Variants in MMP16 observed in about 807,000 individuals in gnomAD.
MMP16 encodes matrix metallopeptidase 16.
A neutral mutation model predicts 67.8 loss-of-function variants in MMP16; 12 were observed. The ratio of observed to expected loss-of-function variants is 0.18; its 90% CI spans 0.11 to 0.29. The LOEUF (loss-of-function observed/expected upper bound fraction) is 0.29. MMP16 is among the 10% of genes least tolerant of loss of function. The pLI, the probability that MMP16 is intolerant of heterozygous loss-of-function variation, is 1.00. For missense variants in MMP16, 475 were observed against 765.7 expected (o/e 0.62, Z 4.48); for synonymous variants, 249 against 255.9 (o/e 0.97, Z 0.26).
At chr8:88,274,315 G>C (rs1223147987) in intron 1 of MMP16, among the ~76,000 whole-genome samples, 2 of 152,036 alleles carry the variant, frequency 1.3e-5, no homozygotes, top group African/African-American at 4.8e-5. Flanking sequence ...TTCTAAGGGA[G>C]GGATTATAAT....
chr8:88,124,573 G>A (rs1312045371), intron 4 of MMP16, among the ~76,000 whole-genome samples: 5 of 151,930 alleles, frequency 3.3e-5, no homozygotes, highest in African/African-American at 1.2e-4. Context: ...CCTAGGAGAC[G>A]ATGGCCACCC....
At chr8:88,061,462 G>C (rs147189825) in intron 7 of MMP16, among the ~76,000 whole-genome samples, 3 of 151,984 alleles carry the variant, frequency 2.0e-5, no homozygotes, top group Non-Finnish European at 2.9e-5. Flanking sequence ...CAACTCAGTT[G>C]GTTGTCCCTT....
At chr8:88,205,898 T>C (rs1053300790) in intron 1 of MMP16, among the ~76,000 whole-genome samples, 7 of 152,188 alleles carry the variant, frequency 4.6e-5, no homozygotes, top group African/African-American at 1.4e-4. Context: ...TTTTTACTCA[T>C]AATCGATATC....
intron 1 of MMP16, among the ~76,000 whole-genome samples, chr8:88,207,672 G>A (rs184197139): frequency 4.1e-5 from 6 of 147,026 alleles, no homozygotes; most frequent in Admixed American, 2.1e-4. Context: ...CAAGGTAAAT[G>A]AATTCAGAGT....
chr8:88,250,038 A>T (rs1460113506), intron 1 of MMP16, among the ~76,000 whole-genome samples: 1 of 152,130 alleles, frequency 6.6e-6, no homozygotes, highest in Non-Finnish European at 1.5e-5. Context: ...TGTAGCTGTC[A>T]TATCTTCCTT....
chr8:88,132,579 A>G (rs1166699787), intron 4 of MMP16, among the ~76,000 whole-genome samples: 6 of 151,840 alleles, frequency 4.0e-5, no homozygotes, highest in Non-Finnish European at 8.8e-5. Context: ...CTCTTTTCAC[A>G]TGTTGGCTAT....
intron 1 of MMP16, among the ~76,000 whole-genome samples, chr8:88,310,508 C>T (rs1811278168): frequency 6.6e-6 from 1 of 151,906 alleles, no homozygotes; most frequent in Admixed American, 6.6e-5. Context: ...CAGAAAATAC[C>T]AGTTACATTA....
chr8:88,282,090 G>GGC lies in MMP16; in HGVS notation c.132+44984_132+44985insGC, dbSNP rs992332064. Among the ~76,000 whole-genome samples, 10 of 147,890 alleles carry GGC rather than the reference G, an allele frequency of 6.8e-5. 1 individual carries two copies. Among genetic ancestry groups the GGC allele is most frequent in the African/African-American group, 2.5e-4 (10 of 39,278 alleles). ...GATTTTTTTTTCTTTTTTGGGGGGG[G>GGC]GGGGGCGACGGGGTCTTGCTGTCAT... is the stretch of plus-strand genomic sequence containing the variant. On this transcript the variant is annotated intron_variant, in intron 1 of 9. Transcript: ENST00000286614.
chr8:88,124,069 A>C (rs934396163), intron 4 of MMP16, among the ~76,000 whole-genome samples: 1 of 152,048 alleles, frequency 6.6e-6, no homozygotes, highest in Non-Finnish European at 1.5e-5. Flanking sequence ...ATTGATGAGT[A>C]AATTTCTTGC....
intron 7 of MMP16, among the ~76,000 whole-genome samples, chr8:88,064,811 T>C (rs1808443292): frequency 6.6e-6 from 1 of 152,148 alleles, no homozygotes; most frequent in South Asian, 2.1e-4. Flanking sequence ...TGAGGTCATA[T>C]GACTTTTTGT....
chr8:88,196,474 A>T (rs150332027), intron 2 of MMP16, among the ~76,000 whole-genome samples: 1 of 152,300 alleles, frequency 6.6e-6, no homozygotes, highest in East Asian at 1.9e-4. Context: ...CTGAATCTGT[A>T]CATGCTTTAT....
At chr8:88,291,776 C>T (rs111532530) in intron 1 of MMP16, among the ~76,000 whole-genome samples, 5 of 151,846 alleles carry the variant, frequency 3.3e-5, no homozygotes, top group Admixed American at 6.6e-5. Context: ...TAGGGTAAAT[C>T]GATTTAAAAC....
At chr8:88,056,071 C>A in intron 8 of MMP16, 57 bp downstream of exon 8, 2 of 1,320,058 alleles carry the variant, frequency 1.5e-6, no homozygotes, top group South Asian at 2.4e-5. Context: ...ACTAGAAATG[C>A]TGATTTTCTA....
chr8:88,061,021 T>C (rs1808392212), intron 7 of MMP16, among the ~76,000 whole-genome samples: 1 of 151,842 alleles, frequency 6.6e-6, no homozygotes, highest in Non-Finnish European at 1.5e-5. Context: ...GCCTTGGTAT[T>C]GTGCTGAAAA....
intron 6 of MMP16, among the ~76,000 whole-genome samples, chr8:88,098,941 CTGAGT>C (rs1809082851): frequency 6.6e-6 from 1 of 151,568 alleles, no homozygotes; most frequent in Admixed American, 6.6e-5. Flanking sequence ...TTTTTTTACA[CTGAGT>C]TATTTGCCTA....
intron 4 of MMP16, among the ~76,000 whole-genome samples, chr8:88,134,541 G>T (rs1055389127): frequency 6.6e-6 from 1 of 151,338 alleles, no homozygotes; most frequent in Non-Finnish European, 1.5e-5. Context: ...AGGTTTTGGG[G>T]TCTTTGGTAT....
At chr8:88,162,777 GT>G (rs1563550719) in intron 4 of MMP16, among the ~76,000 whole-genome samples, 1 of 151,976 alleles carries the variant, frequency 6.6e-6, no homozygotes, top group Non-Finnish European at 1.5e-5. Context: ...TTCACTCTCT[GT>G]CTCTCTGTCC....
chr8:88,322,584 T>C (rs1009989939), intron 1 of MMP16, among the ~76,000 whole-genome samples: 9 of 151,844 alleles, frequency 5.9e-5, no homozygotes, highest in East Asian at 1.9e-4. Context: ...ATCCCAGCAC[T>C]TTGGGAGGTC....
At chr8:88,273,877 A>G (rs958952902) in intron 1 of MMP16, among the ~76,000 whole-genome samples, 4 of 152,176 alleles carry the variant, frequency 2.6e-5, no homozygotes, top group African/African-American at 9.6e-5. Flanking sequence ...AGTATAGATC[A>G]AAGTCCTGAT....
Sources: allele counts gnomAD v4.1 joint callset (sites outside exome capture counted in the v4.1 genomes callset), GRCh38; gene constraint gnomAD v4.1.1; transcripts MANE v1.5; gene names NCBI Gene and HGNC (gene_info 2026-07-23, HGNC 2026-07-21).